Variants in PTPA observed in about 807,000 individuals in gnomAD.
The protein encoded by PTPA is protein phosphatase 2 phosphatase activator.
A neutral mutation model predicts 43.6 loss-of-function variants in PTPA; 13 were observed. The ratio of observed to expected loss-of-function variants is 0.30; its 90% CI spans 0.19 to 0.47. PTPA has a LOEUF of 0.47. PTPA is among the 20% of genes least tolerant of loss of function. PTPA has a pLI of 0.99. For missense variants in PTPA, 329 were observed against 411.9 expected (o/e 0.80, Z 1.74); for synonymous variants, 172 against 158.2 (o/e 1.09, Z -0.66).
intron 7 of PTPA, among the ~76,000 whole-genome samples, 195 bp from the exon 8 acceptor site, chr9:129,137,397 C>T (rs1395983682): frequency 6.6e-6 from 1 of 152,258 alleles, no homozygotes; most frequent in African/African-American, 2.4e-5. Context: ...TGAAGTCATG[C>T]GTCCAACGCC....
intron 3 of PTPA, chr9:129,128,037 T>C (rs768359207): frequency 3.0e-6 from 4 of 1,344,854 alleles, no homozygotes; most frequent in Non-Finnish European, 4.0e-6. Context: ...TGCATACCAT[T>C]ACCCCGCGCC....
intron 3 of PTPA, among the ~76,000 whole-genome samples, chr9:129,126,143 C>T (rs372499580): frequency 2.6e-5 from 4 of 151,122 alleles, no homozygotes; most frequent in Non-Finnish European, 4.4e-5. Context: ...TGCGAGACTT[C>T]GTCTCAAAAA....
At chr9:129,142,736 C>T in intron 9 of PTPA, 184 bp downstream of exon 9, 3 of 1,537,530 alleles carry the variant, frequency 2.0e-6, no homozygotes, top group East Asian at 2.4e-5. Context: ...CATGGGCAGT[C>T]AGAGAAGCAC....
At chr9:129,142,703 G>A in intron 9 of PTPA, 151 bp downstream of exon 9, 1 of 1,542,368 alleles carries the variant, frequency 6.5e-7, no homozygotes, top group African/African-American at 1.4e-5. Flanking sequence ...GACACTTGGG[G>A]CCTCGGAATC....
Position 129,131,588 on chromosome 9 carries a change from G to GT in PTPA, c.412dup (p.Tyr138LeufsTer13). ...GGCAGCTGCTGTGCCTGAGGTGGCT[G>GT]TTTACCTAAAGGAGTCAGTGGGGAA... On this transcript the variant is annotated frameshift_variant, in exon 5 of 10. Transcript: ENST00000393370. LOFTEE classifies it high-confidence loss of function. 1 of 1,614,174 alleles carries GT rather than the reference G, an allele frequency of 6.2e-7. No individual in the cohort carries two copies. The highest frequency in any genetic ancestry group is 1.1e-5 in the South Asian group (1 of 91,090).
intron 9 of PTPA, among the ~76,000 whole-genome samples, chr9:129,144,736 CAAAAA>C (rs35064318): frequency 5.6e-5 from 6 of 108,042 alleles, no homozygotes; most frequent in African/African-American, 1.1e-4. Context: ...GAGACTCTCT[CAAAAA>C]AAAAAAAAAA....
intron 1 of PTPA, among the ~76,000 whole-genome samples, chr9:129,112,247 T>C (rs778158020): frequency 1.4e-4 from 21 of 152,200 alleles, no homozygotes; most frequent in African/African-American, 2.4e-4. Context: ...GTAACTCTTA[T>C]TTACCTTGTA....
chr9:129,137,794 C>A, intron 8 of PTPA, 102 bp downstream of exon 8: 5 of 1,130,654 alleles, frequency 4.4e-6, no homozygotes, highest in South Asian at 2.7e-5. Context: ...AGCTGCTGCC[C>A]AAAATGGCAG....
Position 129,147,822 on chromosome 9 carries a change from GGGAGGAGAGATACCTGCT to G in PTPA, c.*360_*377del, listed in dbSNP as rs1375192145. On this transcript the variant is annotated 3_prime_UTR_variant, in exon 10 of 10. Transcript: ENST00000393370. ...GGCTGTTCTGCAGCACCGCAGGGAA[GGGAGGAGAGATACCTGCT>G]GCTTCCATTGCTTTTCCCTTCCTGG... 2 of 255,486 alleles carry G rather than the reference GGGAGGAGAGATACCTGCT, an allele frequency of 7.8e-6. No individual in the cohort carries two copies. The highest frequency in any genetic ancestry group is 2.3e-5 in the African/African-American group (1 of 44,192). 15.8% of individuals were successfully genotyped at this position (255,486 alleles called of 1,614,324 possible).
chr9:129,146,382 C>T (rs916297423), intron 9 of PTPA, among the ~76,000 whole-genome samples: 15 of 152,188 alleles, frequency 9.9e-5, no homozygotes, highest in Non-Finnish European at 2.2e-4. Context: ...TCTTAGGTTC[C>T]ACAGCTGATT....
intron 2 of PTPA, among the ~76,000 whole-genome samples, chr9:129,121,987 C>A (rs1007381680): frequency 1.3e-5 from 2 of 152,266 alleles, no homozygotes; most frequent in African/African-American, 2.4e-5. Context: ...ACTGTGGACA[C>A]CCCGGCTTGG....
Position 129,114,313 on chromosome 9 carries a change from G to A in PTPA, c.31+2682G>A, listed in dbSNP as rs551625839. Among the ~76,000 whole-genome samples, 27 of 152,342 alleles carry A rather than the reference G, an allele frequency of 1.8e-4. No individual in the cohort carries two copies. The South Asian group carries it at 3.5e-3, about 20-fold the overall frequency. ...GCTGGGATTACAGGCGTGAGCCACC[G>A]CGCCCGGCGAGAAGTTCTTAATGTA... is the stretch of plus-strand genomic sequence containing the variant. On this transcript the variant is annotated intron_variant, in intron 1 of 9. Coordinates refer to ENST00000393370, the MANE Select transcript of PTPA (RefSeq NM_178000.3).
intron 8 of PTPA, chr9:129,142,174 G>T: frequency 2.7e-6 from 1 of 370,060 alleles, no homozygotes; most frequent in African/African-American, 2.1e-5. Flanking sequence ...AGGGGTGACT[G>T]CGGGTAGGTG....
At chr9:129,116,618 C>G (rs1335888637) in intron 1 of PTPA, among the ~76,000 whole-genome samples, 1 of 152,184 alleles carries the variant, frequency 6.6e-6, no homozygotes, top group African/African-American at 2.4e-5. Context: ...ATCTCCTGAC[C>G]TTGTGATCCG....
At chr9:129,134,541 C>G (rs1850224614) in intron 5 of PTPA, among the ~76,000 whole-genome samples, 1 of 152,004 alleles carries the variant, frequency 6.6e-6, no homozygotes. Flanking sequence ...TGAGCTCAAG[C>G]AAGCTGCCTG....
At chr9:129,146,315 T>C (rs965422593) in intron 9 of PTPA, among the ~76,000 whole-genome samples, 4 of 152,288 alleles carry the variant, frequency 2.6e-5, no homozygotes, top group African/African-American at 4.8e-5. Flanking sequence ...TTTCCATCCT[T>C]CTTTCCCTCC....
intron 8 of PTPA, chr9:129,142,086 G>T: frequency 4.9e-6 from 1 of 202,822 alleles, no homozygotes; most frequent in South Asian, 1.6e-4. Flanking sequence ...AGCTCAGGTG[G>T]AGATCTTATC....
At chr9:129,128,114 T>C in intron 3 of PTPA, 1 of 1,227,810 alleles carries the variant, frequency 8.1e-7, no homozygotes, top group Non-Finnish European at 1.1e-6. Flanking sequence ...ACTGAGAGGC[T>C]CAGAGTTAGT....
rs534729423 is a variant in PTPA, at chr9:129,117,955, T to C, written c.32-2558T>C. On this transcript the variant is annotated intron_variant, in intron 1 of 9. Transcript: ENST00000393370. Reference sequence around the variant, plus strand: ...CTCAAATGATCCACCTACCTCAGCCTCCCAAAGTTCTGGGATTACAGGTGT... The same window carrying C: ...CTCAAATGATCCACCTACCTCAGCCCCCCAAAGTTCTGGGATTACAGGTGT... Among the ~76,000 whole-genome samples, 26 of 152,086 alleles carry C rather than the reference T, an allele frequency of 1.7e-4. No individual in the cohort carries two copies. In the South Asian group the frequency reaches 3.3e-3, roughly 19 times the overall value.
Sources: gnomAD v4.1 joint callset for allele counts (sites outside exome capture counted in the v4.1 genomes callset) on GRCh38, gnomAD v4.1.1 for gene constraint, MANE v1.5 for transcripts, NCBI Gene and HGNC (gene_info 2026-07-23, HGNC 2026-07-21) for gene names.